LRBA: variants seen among roughly 807,000 people sequenced by gnomAD.
The protein encoded by LRBA is LPS responsive beige-like anchor protein.
In LRBA, 176 loss-of-function variants were observed where a neutral mutation model predicts 330.0. That is an observed-to-expected ratio of 0.53 (90% CI 0.47 to 0.60). The LOEUF is 0.60. Among genes scored for constraint, LRBA ranks in the 20% least tolerant of loss-of-function variants. LRBA has a pLI of 0.00. For synonymous variants in LRBA, 1,230 were observed against 1,193.0 expected (o/e 1.03, Z -0.64); for missense variants, 3,259 against 3,444.8 (o/e 0.95, Z 1.35).
chr4:150,486,674 C>A (rs1190103798), intron 42 of LRBA, among the ~76,000 whole-genome samples: 3 of 151,770 alleles, frequency 2.0e-5, no homozygotes, highest in Non-Finnish European at 4.4e-5. Flanking sequence ...CTAGTCTCCA[C>A]AATTTTTAAG....
At chr4:150,844,621 G>T in intron 27 of LRBA, 37 bp downstream of exon 27, 1 of 1,556,750 alleles carries the variant, frequency 6.4e-7, no homozygotes, top group Non-Finnish European at 8.7e-7. Flanking sequence ...TAAAATAGGA[G>T]TATGCTTTTT....
At chr4:150,268,114 A>G (rs1312864178) in intron 56 of LRBA, among the ~76,000 whole-genome samples, 1 of 152,134 alleles carries the variant, frequency 6.6e-6, no homozygotes, top group Admixed American at 6.5e-5. Context: ...AAGTTGGGAC[A>G]TTACTGATTT....
chr4:150,398,398 T>A (rs1462804265), intron 47 of LRBA, among the ~76,000 whole-genome samples: 1 of 152,112 alleles, frequency 6.6e-6, no homozygotes, highest in Non-Finnish European at 1.5e-5. Flanking sequence ...CAAAAAGTGG[T>A]CCTTACTTTT....
At chr4:150,430,073 C>CCCAAGT (rs1750170026) in intron 46 of LRBA, among the ~76,000 whole-genome samples, 1 of 151,986 alleles carries the variant, frequency 6.6e-6, no homozygotes, top group Non-Finnish European at 1.5e-5. Flanking sequence ...TATATATATG[C>CCCAAGT]CCAAGTCAAA....
intron 37 of LRBA, among the ~76,000 whole-genome samples, chr4:150,610,884 T>G (rs767681434): frequency 3.9e-5 from 6 of 152,302 alleles, no homozygotes; most frequent in Admixed American, 1.3e-4. Flanking sequence ...TATGATGCAG[T>G]ATAAATTTGA....
chr4:150,983,083 G>GA (rs1238635246), intron 2 of LRBA, among the ~76,000 whole-genome samples: 1 of 150,986 alleles, frequency 6.6e-6, no homozygotes, highest in East Asian at 1.9e-4. Context: ...CTGTCTCAAA[G>GA]AAAAAAACAA....
At chr4:150,351,389 T>C (rs1737129536) in intron 47 of LRBA, among the ~76,000 whole-genome samples, 1 of 152,080 alleles carries the variant, frequency 6.6e-6, no homozygotes, top group Non-Finnish European at 1.5e-5. Flanking sequence ...CTCTAAAGCT[T>C]AATTAAAAGT....
intron 17 of LRBA, among the ~76,000 whole-genome samples, chr4:150,873,792 TTTAG>T (rs201787396): frequency 0.025 from 3,829 of 152,244 alleles, 123 homozygotes; most frequent in African/African-American, 0.083. Context: ...AATTTTGGTG[TTTAG>T]TAAGTTAGAA....
chr4:150,324,049 G>GT (rs1732911674), intron 49 of LRBA, among the ~76,000 whole-genome samples: 1 of 152,146 alleles, frequency 6.6e-6, no homozygotes, highest in African/African-American at 2.4e-5. Context: ...AGGAGTTCAG[G>GT]TATTCAATTC....
intron 40 of LRBA, among the ~76,000 whole-genome samples, chr4:150,568,250 G>C (rs1000636693): frequency 6.6e-6 from 1 of 152,132 alleles, no homozygotes; most frequent in Non-Finnish European, 1.5e-5. Context: ...AGCTAGCCTG[G>C]AAAGACAAAG....
intron 42 of LRBA, among the ~76,000 whole-genome samples, chr4:150,476,618 T>C (rs775622010): frequency 2.0e-5 from 3 of 152,196 alleles, no homozygotes; most frequent in Non-Finnish European, 2.9e-5. Context: ...TATCTCCTGG[T>C]AGCTGTTATA....
At chr4:150,454,276 A>C (rs1753775784) in intron 44 of LRBA, among the ~76,000 whole-genome samples, 1 of 152,078 alleles carries the variant, frequency 6.6e-6, no homozygotes, top group African/African-American at 2.4e-5. Flanking sequence ...TTTGTATTTT[A>C]ATTTGTGTAA....
At chr4:150,527,919 G>A (rs1048222565) in intron 40 of LRBA, among the ~76,000 whole-genome samples, 4 of 152,186 alleles carry the variant, frequency 2.6e-5, no homozygotes, top group African/African-American at 4.8e-5. Context: ...TGCAATTCCT[G>A]TACTATCACA....
intron 31 of LRBA, among the ~76,000 whole-genome samples, chr4:150,809,792 G>C (rs1743344169): frequency 6.6e-6 from 1 of 152,060 alleles, no homozygotes; most frequent in African/African-American, 2.4e-5. Context: ...AGGTTGCAGT[G>C]TGCCAAGACT....
chr4:150,716,095 A>C (rs773375969), intron 36 of LRBA, among the ~76,000 whole-genome samples: 4 of 152,206 alleles, frequency 2.6e-5, no homozygotes, highest in Admixed American at 6.5e-5. Flanking sequence ...TCCTTCATCA[A>C]CAAAGCCTTG....
chr4:150,778,501 T>C (rs1307765504), intron 34 of LRBA, among the ~76,000 whole-genome samples: 1 of 152,200 alleles, frequency 6.6e-6, no homozygotes, highest in Non-Finnish European at 1.5e-5. Context: ...GAAATATTAA[T>C]ATATTTGCAA....
chr4:150,556,287 T>C (rs774654234), intron 40 of LRBA, among the ~76,000 whole-genome samples: 1 of 152,212 alleles, frequency 6.6e-6, no homozygotes, highest in Non-Finnish European at 1.5e-5. Flanking sequence ...AACTATCTGA[T>C]GGATGGTAAT....
chr4:150,888,761 T>C (rs1018355568), intron 17 of LRBA, among the ~76,000 whole-genome samples: 2 of 151,998 alleles, frequency 1.3e-5, no homozygotes, highest in Non-Finnish European at 2.9e-5. Context: ...ACAAATAAAA[T>C]GGTAGATGAA....
intron 16 of LRBA, 117 bp downstream of exon 16, chr4:150,896,277 C>T (rs2127114456): frequency 1.7e-6 from 1 of 579,340 alleles, no homozygotes; most frequent in Non-Finnish European, 3.0e-6. Flanking sequence ...TAAGTAGACA[C>T]ATTTACTCCC....
Sources: allele counts gnomAD v4.1 joint callset (sites outside exome capture counted in the v4.1 genomes callset), GRCh38; gene constraint gnomAD v4.1.1; transcripts MANE v1.5; gene names NCBI Gene and HGNC (gene_info 2026-07-23, HGNC 2026-07-21).